The following ARAP1 variants were observed in gnomAD, a reference collection of about 807,000 sequenced individuals.
The protein encoded by ARAP1 is ArfGAP with RhoGAP domain, ankyrin repeat and PH domain 1.
ARAP1 carries 76 observed loss-of-function variants against 172.2 expected under a neutral mutation model. The observed-to-expected ratio is 0.44, with a 90% CI of 0.37 to 0.53. ARAP1 has a LOEUF of 0.53. Ranked by LOEUF, ARAP1 falls within the 20% of genes least tolerant of loss-of-function variation. ARAP1 has a pLI of 0.00. For missense variants in ARAP1, 1,686 were observed against 1,977.5 expected (o/e 0.85, Z 2.80); for synonymous variants, 804 against 803.3 (o/e 1.00, Z -0.01).
chr11:72,685,736 G>T (rs925746449), intron 34 of ARAP1, 55 bp from the exon 35 acceptor site: 1 of 1,610,296 alleles, frequency 6.2e-7, no homozygotes, highest in Non-Finnish European at 8.5e-7. Context: ...AGGGGCTGGC[G>T]CCCCGCTGAA....
At chr11:72,714,077 A>G (rs1217576187) in intron 4 of ARAP1, 75 bp downstream of exon 4, 2 of 1,363,228 alleles carry the variant, frequency 1.5e-6, no homozygotes, top group Admixed American at 3.5e-5. Flanking sequence ...TGATCCTTGC[A>G]TACCTTCCAG....
In ARAP1 at chr11:72,685,410, T is replaced by G. The variant is rs568978971; in HGVS notation, c.*254A>C. 5.3e-6 allele frequency: 3 copies of G among 569,192 alleles called. No individual in the cohort carries two copies. The highest frequency in any genetic ancestry group is 4.7e-4 in the Middle Eastern group (1 of 2,116). 35.3% of individuals were successfully genotyped at this position (569,192 alleles called of 1,614,324 possible). On this transcript the variant is annotated 3_prime_UTR_variant, in exon 35 of 35. Coordinates refer to ENST00000393609, the MANE Select transcript of ARAP1 (RefSeq NM_001040118.3). ...AGCCCCACAAGGACAGTGAACCCGGTGGGGTGAGCAGGTTGGGCCAAGAGG... is the reference window on the plus strand; with the variant it reads ...AGCCCCACAAGGACAGTGAACCCGGGGGGGTGAGCAGGTTGGGCCAAGAGG...
chr11:72,686,338 T>C (rs1591163158), intron 33 of ARAP1, 147 bp from the exon 34 acceptor site: 6 of 1,112,256 alleles, frequency 5.4e-6, no homozygotes, highest in Non-Finnish European at 7.5e-6. Flanking sequence ...GAGAAGCAGC[T>C]GTGGGGAGAA....
chr11:72,713,632 A>T (rs1004422688), intron 4 of ARAP1, among the ~76,000 whole-genome samples: 1 of 151,954 alleles, frequency 6.6e-6, no homozygotes, highest in African/African-American at 2.4e-5. Context: ...CAGATCACGA[A>T]CTCAGGAGAT....
In ARAP1 at chr11:72,686,055, G is replaced by A. The variant is rs371806185; in HGVS notation, c.4322C>T (p.Ala1441Val). 125 of 1,614,066 alleles carry A rather than the reference G, an allele frequency of 7.7e-5. 2 individuals are homozygous for A. The highest frequency in any genetic ancestry group is 6.7e-4 in the East Asian group (30 of 44,894). Residue 1441 changes from alanine (A) to valine (V), a missense_variant, in exon 34 of 35, where the codon GCG becomes GTG. By Grantham distance (64) the Ala-to-Val change is moderately conservative. Around this residue, in one of 5 missense-constraint regions of ARAP1, gnomAD observed 379 missense variants for 500.1 expected, o/e 0.76. Transcript: ENST00000393609. ...AGAGCCACTCACAGACAGAGGGTCC[G>A]CGGTGAAGGCAGCCACACTCCGGCG... ...EMRRSVAAFT[A>V]DPLSLLRNV
intron 19 of ARAP1, 44 bp downstream of exon 19, chr11:72,697,867 A>T: frequency 2.6e-6 from 4 of 1,520,986 alleles, no homozygotes; most frequent in Non-Finnish European, 3.5e-6. Context: ...GGAGCCCAGG[A>T]TAGGGTGCCC....
intron 11 of ARAP1, among the ~76,000 whole-genome samples, chr11:72,707,755 GA>G (rs1214416232): frequency 7.2e-5 from 11 of 152,318 alleles, no homozygotes; most frequent in Admixed American, 4.6e-4. Context: ...CCAGGAGACA[GA>G]AGGGCAGACT....
chr11:72,708,991 C>G (rs1370141245), intron 11 of ARAP1, among the ~76,000 whole-genome samples: 1 of 148,106 alleles, frequency 6.8e-6, no homozygotes, highest in African/African-American at 2.5e-5. Context: ...GAGCCGAGAT[C>G]GTGCCACTGC....
At position 72,695,967 on chromosome 11, in the gene ARAP1, G is replaced by C; in HGVS notation, c.3273-102C>G. On this transcript the variant is annotated intron_variant, in intron 23 of 34. Transcript: ENST00000393609. This position sits in a 1 kb window ranked among gnomAD's most constrained non-coding sequence, Gnocchi z 4.4. ...GGTCCAAGACTGGTCTGGTCAGAGG[G>C]GACCACTGTTTAACAGGGTAGGAAC... The C allele has an allele frequency of 7.2e-7, 1 of 1,387,590 alleles. No homozygotes were observed. The highest frequency in any genetic ancestry group is 1.5e-5 in the South Asian group (1 of 68,910). 86.0% of individuals were successfully genotyped at this position (1,387,590 alleles called of 1,614,324 possible).
intron 19 of ARAP1, 29 bp downstream of exon 19, chr11:72,697,882 G>A: frequency 1.3e-6 from 2 of 1,539,170 alleles, no homozygotes; most frequent in African/African-American, 1.4e-5. Flanking sequence ...GTGCCCTGGA[G>A]GCTGGGGGCC....
Position 72,711,142 on chromosome 11 carries a change from C to A in ARAP1, c.1093-1G>T. On this transcript the variant is annotated splice_acceptor_variant, in intron 8 of 34. Transcript: ENST00000393609. LOFTEE classifies it high-confidence loss of function. ...AGATAAAGCGCTTAGAGTAAGCGTC[C>A]TGGGGGAGAGACAGGAACTATATTT... The A allele has an allele frequency of 6.2e-7, 1 of 1,614,126 alleles. No individual in the cohort carries two copies. The highest frequency in any genetic ancestry group is 1.1e-5 in the South Asian group (1 of 91,070).
chr11:72,716,892 G>A (rs1326182230), intron 3 of ARAP1, among the ~76,000 whole-genome samples: 1 of 152,188 alleles, frequency 6.6e-6, no homozygotes, highest in Non-Finnish European at 1.5e-5. Context: ...GCCAAGGGGT[G>A]GGCCTGTGGG....
rs114324664 is a variant in ARAP1, at chr11:72,717,213, A to G, written c.510-2892T>C. Among the ~76,000 whole-genome samples, 639 of 152,252 alleles carry G rather than the reference A, an allele frequency of 4.2e-3. 3 individuals carry two copies. Among genetic ancestry groups the G allele is most frequent in the African/African-American group, 0.015 (612 of 41,528 alleles). On this transcript the variant is annotated intron_variant, in intron 3 of 34. Coordinates refer to ENST00000393609, the MANE Select transcript of ARAP1 (RefSeq NM_001040118.3). ...CTGCGATTCCCTTAGAGACTTCTTG[A>G]TGGGCAAATCAATCCATCACTGCTG...
At chr11:72,696,831 G>T in intron 22 of ARAP1, 152 bp downstream of exon 22, 1 of 994,040 alleles carries the variant, frequency 1.0e-6, no homozygotes, top group Non-Finnish European at 1.5e-6. Flanking sequence ...CCCTGGCTCT[G>T]TATGGAGCGG....
At chr11:72,739,559 A>G (rs544302235) in intron 1 of ARAP1, among the ~76,000 whole-genome samples, 4 of 152,136 alleles carry the variant, frequency 2.6e-5, no homozygotes, top group Non-Finnish European at 4.4e-5. Context: ...TCCTGGCTCC[A>G]CCATTTCTTG....
At chr11:72,723,560 A>T (rs2135567830) in intron 3 of ARAP1, among the ~76,000 whole-genome samples, 1 of 152,210 alleles carries the variant, frequency 6.6e-6, no homozygotes, top group African/African-American at 2.4e-5. Flanking sequence ...CCTTCCTAAA[A>T]TATCTGGGAT....
chr11:72,711,276 C>G, intron 8 of ARAP1, 135 bp from the exon 9 acceptor site: 2 of 1,479,818 alleles, frequency 1.4e-6, no homozygotes, highest in Non-Finnish European at 1.8e-6. Flanking sequence ...CTGACTGCAG[C>G]CCTCAGCAGG....
intron 30 of ARAP1, among the ~76,000 whole-genome samples, chr11:72,690,624 C>A (rs1420993079): frequency 6.6e-6 from 1 of 152,208 alleles, no homozygotes; most frequent in African/African-American, 2.4e-5. Context: ...AAGCCATCCT[C>A]CCACCTTGAC....
At chr11:72,703,415 G>GGGC (rs1555013480) in intron 14 of ARAP1, 2 of 145,308 alleles carry the variant, frequency 1.4e-5, no homozygotes, top group Non-Finnish European at 2.9e-5. Flanking sequence ...AGCCGGGGGG[G>GGGC]GGGTGTGCTT....
Sources: gnomAD v4.1 joint callset for allele counts (sites outside exome capture counted in the v4.1 genomes callset) on GRCh38, gnomAD v4.1.1 for gene constraint, gnomAD v4.1.1 regional missense constraint, Gnocchi (gnomAD v3.1) non-coding constraint, MANE v1.5 for transcripts, NCBI Gene and HGNC (gene_info 2026-07-23, HGNC 2026-07-21) for gene names.